Variants in F5 observed in about 807,000 individuals in gnomAD.
F5 encodes the protein coagulation factor V.
F5 carries 138 observed loss-of-function variants against 216.4 expected under a neutral mutation model. That is an observed-to-expected ratio of 0.64 (90% CI 0.56 to 0.73). F5 has a LOEUF of 0.73. Among genes scored for constraint, F5 ranks in the 30% least tolerant of loss-of-function variants. The pLI is 0.00. For missense variants in F5, 2,403 were observed against 2,674.0 expected, an observed-to-expected ratio of 0.90 and a Z score of 2.24; for synonymous variants, 916 against 930.7, an observed-to-expected ratio of 0.98 and a Z score of 0.29.
chr1:169,514,375 G>T lies in F5; in HGVS notation c.6613C>A (p.Pro2205Thr). ...PIISRFIRVI[P>T]KTWNQSIALR... ...GCAATACTTTGATTCCATGTTTTAGGAATGACACGGATAAACCTGGAAATG... is the reference window on the plus strand; with the variant it reads ...GCAATACTTTGATTCCATGTTTTAGTAATGACACGGATAAACCTGGAAATG... Residue 2205 changes from proline to threonine, a missense_variant, in exon 25 of 25, where the codon CCT becomes ACT. Around this residue, in one of 4 missense-constraint regions of F5, gnomAD observed 659 missense variants for 787.9 expected, o/e 0.84. Transcript: ENST00000367797. The T allele has an allele frequency of 6.2e-7, 1 of 1,613,144 alleles. No individual in the cohort carries two copies. Among genetic ancestry groups the T allele is most frequent in the Non-Finnish European group, 8.5e-7 (1 of 1,179,392 alleles).
At position 169,540,171 on chromosome 1, in the gene F5, G is replaced by A. The variant is rs1659798980; in HGVS notation, c.4796+123C>T. 5 of 1,031,232 alleles carry A rather than the reference G, an allele frequency of 4.8e-6. No individual in the cohort carries two copies. The South Asian group carries it at 7.1e-5, about 15-fold the overall frequency. 63.9% of individuals were successfully genotyped at this position (1,031,232 alleles called of 1,614,324 possible). ...CAAAGGAAAAAGAACAGGCCAACTTGCAATAGGGGAACCACACTGTTCTTA... is the reference window on the plus strand; with the variant it reads ...CAAAGGAAAAAGAACAGGCCAACTTACAATAGGGGAACCACACTGTTCTTA... On this transcript the variant is annotated intron_variant, in intron 13 of 24. Coordinates refer to ENST00000367797, the MANE Select transcript of F5 (RefSeq NM_000130.5).
At chr1:169,567,663 G>A (rs9332554) in intron 3 of F5, among the ~76,000 whole-genome samples, 36,622 of 151,324 alleles carry the variant, frequency 0.24, 5,325 homozygotes, top group South Asian at 0.36. Flanking sequence ...ATCAGTCCTC[G>A]GCCCCTCAGT....
At chr1:169,578,885 T>G (rs1415238957) in intron 2 of F5, among the ~76,000 whole-genome samples, 1 of 152,220 alleles carries the variant, frequency 6.6e-6, no homozygotes, top group Non-Finnish European at 1.5e-5. Flanking sequence ...TCCTGCTTCT[T>G]CTAAGTCTCC....
chr1:169,541,278 A>T lies in F5; in HGVS notation c.3812T>A (p.Leu1271His). Residue 1271 changes from leucine (L) to histidine (H), a missense_variant, in exon 13 of 25, where the codon CTC becomes CAC. Physicochemically the swap from Leu to His is moderately conservative, Grantham distance 99. Around this residue, in one of 4 missense-constraint regions of F5, gnomAD observed 1,425 missense variants for 1,554.8 expected, o/e 0.92. Coordinates refer to ENST00000367797, the MANE Select transcript of F5 (RefSeq NM_000130.5). ...ELSQTNLSPALGQMPLSPDLS... is the reference protein window; with the variant it reads ...ELSQTNLSPAHGQMPLSPDLS... ...GTCTGGAGAAAGGGGCATCTGACCGAGGGCTGGAGAAAGGTTTGTCTGACT... is the reference window on the plus strand; with the variant it reads ...GTCTGGAGAAAGGGGCATCTGACCGTGGGCTGGAGAAAGGTTTGTCTGACT... 6.4e-7 allele frequency: 1 copy of T among 1,551,358 alleles called. No homozygotes were observed. The highest frequency in any genetic ancestry group is 8.8e-7 in the Non-Finnish European group (1 of 1,140,926).
intron 11 of F5, among the ~76,000 whole-genome samples, chr1:169,546,208 C>CACACAT (rs112177003): frequency 1.8e-4 from 28 of 151,404 alleles, no homozygotes; most frequent in South Asian, 6.3e-4. Flanking sequence ...CACACACACA[C>CACACAT]GCTTGGAATA....
Position 169,560,579 on chromosome 1 carries a change from A to G in F5, c.561T>C (p.Ile187=), listed in dbSNP as rs1481947449. ...NLIEDFNSGL[I]GPLLICKKGT... ...CTTTTTTACAGATAAGCAGGGGCCCAATCAGCCCCGAGTTGAAATCCTCGA... is the reference window on the plus strand; with the variant it reads ...CTTTTTTACAGATAAGCAGGGGCCCGATCAGCCCCGAGTTGAAATCCTCGA... Residue 187 remains isoleucine, a synonymous_variant, in exon 4 of 25, where the codon ATT becomes ATC. Coordinates refer to ENST00000367797, the MANE Select transcript of F5 (RefSeq NM_000130.5). 1 of 1,613,716 alleles carries G rather than the reference A, an allele frequency of 6.2e-7. No homozygotes were observed. Among genetic ancestry groups the G allele is most frequent in the East Asian group, 2.2e-5 (1 of 44,850 alleles).
In F5 at chr1:169,572,275, C is replaced by T. The variant is rs6019; in HGVS notation, c.319G>A (p.Asp107Asn). The T allele has an allele frequency of 6.2e-7, 1 of 1,613,046 alleles. No homozygotes were observed. The highest frequency in any genetic ancestry group is 8.5e-7 in the Non-Finnish European group (1 of 1,179,568). The change falls in exon 3 of 25, where the codon GAT (aspartate) becomes AAT (asparagine). Residue 107 changes from aspartate to asparagine, a missense_variant. Coordinates refer to ENST00000367797, the MANE Select transcript of F5 (RefSeq NM_000130.5). The stretch of plus-strand genomic sequence containing the variant: ...TGAGGATGGATGCTCAAGGGCTTAT[C>T]TGCCTTATTTTTAAAGTGAACTTTT... ...IIKVHFKNKA[D>N]KPLSIHPQGI...
chr1:169,542,927 A>G lies in F5; in HGVS notation c.2163T>C (p.Asp721=), dbSNP rs1317417517. The stretch of plus-strand genomic sequence containing the variant: ...GTCTGTTCTGGTAATCATAGTCAGC[A>G]TCACTCTCTTCATCTTCAGGTTCTA... ...DRLEPEDEES[D]ADYDYQNRLA... The change falls in exon 13 of 25, where the codon GAT becomes GAC. Residue 721 remains aspartate, a synonymous_variant. Coordinates refer to ENST00000367797, the MANE Select transcript of F5 (RefSeq NM_000130.5). The G allele has an allele frequency of 1.2e-6, 2 of 1,614,136 alleles. No individual in the cohort carries two copies. The highest frequency in any genetic ancestry group is 1.7e-6 in the Non-Finnish European group (2 of 1,179,996).
chr1:169,551,911 A>G (rs544606939), intron 8 of F5, among the ~76,000 whole-genome samples: 1 of 152,232 alleles, frequency 6.6e-6, no homozygotes, highest in Non-Finnish European at 1.5e-5. Flanking sequence ...GAGTCCAACC[A>G]TTAGAGAGCT....
chr1:169,572,232 TTACTG>T lies in F5; in HGVS notation c.357_361del (p.Tyr119Ter). On this transcript the variant is annotated stop_gained and frameshift_variant, in exon 3 of 25. Transcript: ENST00000367797. LOFTEE classifies it high-confidence loss of function. ...TAGATTTATCTTACCTTCTGATAAT[TTACTG>T]TACCTAATTCCTTGAGGATGGATGC... 1 of 1,612,704 alleles carries T rather than the reference TTACTG, an allele frequency of 6.2e-7. No individual in the cohort carries two copies. Among genetic ancestry groups the T allele is most frequent in the Middle Eastern group, 1.7e-4 (1 of 6,050 alleles).
chr1:169,561,430 G>T (rs1660484728), intron 3 of F5, among the ~76,000 whole-genome samples: 1 of 151,990 alleles, frequency 6.6e-6, no homozygotes, highest in African/African-American at 2.4e-5. Context: ...CATGTATATT[G>T]GACTTTCCCT....
At chr1:169,546,985 A>C (rs556018882) in intron 10 of F5, among the ~76,000 whole-genome samples, 1 of 76,352 alleles carries the variant, frequency 1.3e-5, no homozygotes, top group Non-Finnish European at 2.6e-5. Flanking sequence ...AAAAAAAAAG[A>C]AAAGAAAAGA....
At chr1:169,548,504 A>C (rs1292684853) in intron 10 of F5, among the ~76,000 whole-genome samples, 1 of 152,222 alleles carries the variant, frequency 6.6e-6, no homozygotes, top group African/African-American at 2.4e-5. Flanking sequence ...CATTGTGTAC[A>C]CAGCACTTGT....
Position 169,560,715 on chromosome 1 carries a change from A to T in F5, c.425T>A (p.Val142Glu). Residue 142 changes from valine (V) to glutamate (E), a missense_variant, in exon 4 of 25, where the codon GTG becomes GAG. Val to Glu is a moderately radical substitution (Grantham distance 121). Around this residue, in one of 4 missense-constraint regions of F5, gnomAD observed 1,425 missense variants for 1,554.8 expected, o/e 0.92. Coordinates refer to ENST00000367797, the MANE Select transcript of F5 (RefSeq NM_000130.5). ...TFPAEKMDDA[V>E]APGREYTYEW... ...ATAGGTGTATTCTCGGCCTGGAGCC[A>T]CAGCGTCGTCCATCTTCTCCGCAGG... 6.2e-7 allele frequency: 1 copy of T among 1,613,406 alleles called. No individual in the cohort carries two copies. The highest frequency in any genetic ancestry group is 8.5e-7 in the Non-Finnish European group (1 of 1,179,760).
chr1:169,545,094 A>C (rs1659967170), intron 11 of F5, among the ~76,000 whole-genome samples: 1 of 152,222 alleles, frequency 6.6e-6, no homozygotes, highest in South Asian at 2.1e-4. Context: ...GATTTCTACA[A>C]GGGCAGGGCT....
intron 22 of F5, among the ~76,000 whole-genome samples, chr1:169,520,262 C>G (rs1381885912): frequency 6.6e-6 from 1 of 152,034 alleles, no homozygotes; most frequent in African/African-American, 2.4e-5. Context: ...AAATTAGAGC[C>G]CTTCCTTGGA....
intron 12 of F5, 48 bp from the exon 13 acceptor site, chr1:169,543,162 G>T (rs1420522935): frequency 1.3e-6 from 2 of 1,555,742 alleles, no homozygotes; most frequent in Non-Finnish European, 1.8e-6. Flanking sequence ...TCTGGGAAAA[G>T]ACATGAAAAC....
At chr1:169,578,143 A>G (rs958994414) in intron 2 of F5, among the ~76,000 whole-genome samples, 7 of 152,238 alleles carry the variant, frequency 4.6e-5, no homozygotes, top group Non-Finnish European at 8.8e-5. Flanking sequence ...ACAAAGGTGA[A>G]TAAGATACCA....
chr1:169,540,662 T>C lies in F5; in HGVS notation c.4428A>G (p.Gln1476=). 1.2e-6 allele frequency: 2 copies of C among 1,614,100 alleles called. No homozygotes were observed. Among genetic ancestry groups the C allele is most frequent in the South Asian group, 2.2e-5 (2 of 91,084 alleles). Residue 1476 remains glutamine, a synonymous_variant, in exon 13 of 25, where the codon CAA becomes CAG. Transcript: ENST00000367797. Reference sequence around the variant, plus strand: ...GATAAGGAAAAGACTCATTAAATTCTTGAAGAAGCAATGACTGACTAGATT... The same window carrying C: ...GATAAGGAAAAGACTCATTAAATTCCTGAAGAAGCAATGACTGACTAGATT... ...PSESSQSLLL[Q]EFNESFPYPD...
Sources: gnomAD v4.1 joint callset for allele counts (sites outside exome capture counted in the v4.1 genomes callset) on GRCh38, gnomAD v4.1.1 for gene constraint, gnomAD v4.1.1 regional missense constraint, MANE v1.5 for transcripts, NCBI Gene and HGNC (gene_info 2026-07-23, HGNC 2026-07-21) for gene names.